Variants in LRRC53 observed in about 807,000 individuals in gnomAD.
LRRC53 encodes the protein leucine-rich repeat-containing protein 53.
A neutral mutation model predicts 13.6 loss-of-function variants in LRRC53; 25 were observed. That is an observed-to-expected ratio of 1.83 (90% CI 1.34 to 2.56). The LOEUF (loss-of-function observed/expected upper bound fraction) is 2.56, where lower values mean the gene tolerates loss of function less well. Ranked by LOEUF, LRRC53 falls within the 30% of genes most tolerant of loss-of-function variation. The probability of loss-of-function intolerance (pLI) is 0.00; values close to 1 mark genes in which losing one functional copy is unlikely to be tolerated. For synonymous variants in LRRC53, 204 were observed against 109.8 expected (o/e 1.86, Z -5.37); for missense variants, 527 against 275.8 (o/e 1.91, Z -6.45).
chr1:74,482,160 C>T (rs1355143428), intron 2 of LRRC53, among the ~76,000 whole-genome samples: 1 of 152,074 alleles, frequency 6.6e-6, no homozygotes, highest in Non-Finnish European at 1.5e-5. Context: ...TTTCATGGGT[C>T]CCCAGTCCTT....
chr1:74,494,154 G>A (rs1028682696), intron 1 of LRRC53, among the ~76,000 whole-genome samples: 1 of 151,994 alleles, frequency 6.6e-6, no homozygotes, highest in East Asian at 1.9e-4. Context: ...ATTTGCACAC[G>A]GCCCAGTTAC....
chr1:74,472,352 A>G (rs139553902), intron 4 of LRRC53, among the ~76,000 whole-genome samples, 151 bp from the exon 5 acceptor site: 23 of 152,296 alleles, frequency 1.5e-4, no homozygotes, highest in Admixed American at 2.6e-4. Context: ...CAAACCTACA[A>G]AGGACATTTG....
At chr1:74,516,397 GT>G (rs1557621453), upstream of LRRC53, among the ~76,000 whole-genome samples, 1 of 152,234 alleles carries the variant, frequency 6.6e-6, no homozygotes, top group Non-Finnish European at 1.5e-5. Flanking sequence ...GATGAGAATA[GT>G]TGAGTCAGGA....
intron 1 of LRRC53, among the ~76,000 whole-genome samples, chr1:74,508,897 C>T (rs1421118416): frequency 6.6e-6 from 1 of 152,178 alleles, no homozygotes; most frequent in East Asian, 1.9e-4. Flanking sequence ...CTGGTTTTTA[C>T]AGGGTCTGCA....
chr1:74,534,275 A>G, the LRRC53 span, among the ~76,000 whole-genome samples: 1 of 152,168 alleles, frequency 6.6e-6, no homozygotes, highest in African/African-American at 2.4e-5. Flanking sequence ...TCACCAAATC[A>G]AAGTTCCCAA....
chr1:74,470,891 T>C lies in LRRC53; in HGVS notation c.2731A>G (p.Asn911Asp). 2.5e-6 allele frequency: 1 copy of C among 400,744 alleles called. No individual in the cohort carries two copies. Among genetic ancestry groups the C allele is most frequent in the Non-Finnish European group, 4.4e-6 (1 of 226,188 alleles). 24.8% of individuals were successfully genotyped at this position (400,744 alleles called of 1,614,324 possible). Residue 911 changes from asparagine to aspartate, a missense_variant, in exon 5 of 5, where the codon AAT becomes GAT. Physicochemically the swap from Asn to Asp is conservative, Grantham distance 23. Transcript: ENST00000294635. ...TTESTEHMGQ[N>D]VSKTSELNQF... ...TTTAACTCACTGGTCTTTGATACAT[T>C]CTGTCCCATGTGCTCAGTGGACTCC...
chr1:74,530,484 G>T, the LRRC53 span, among the ~76,000 whole-genome samples: 1 of 152,062 alleles, frequency 6.6e-6, no homozygotes, highest in Non-Finnish European at 1.5e-5. Flanking sequence ...CGCTTAGCAG[G>T]TATGAAACAA....
intron 3 of LRRC53, among the ~76,000 whole-genome samples, chr1:74,476,877 G>C (rs1181819118): frequency 6.6e-6 from 1 of 151,958 alleles, no homozygotes; most frequent in East Asian, 1.9e-4. Flanking sequence ...GGTCATGATT[G>C]TTTCTTTTTT....
At chr1:74,503,592 T>A (rs1275414061) in intron 1 of LRRC53, among the ~76,000 whole-genome samples, 1 of 152,156 alleles carries the variant, frequency 6.6e-6, no homozygotes, top group Non-Finnish European at 1.5e-5. Context: ...CATTTTTTTT[T>A]AGGATAGCTA....
At chr1:74,503,003 T>C (rs1330272472) in intron 1 of LRRC53, among the ~76,000 whole-genome samples, 2 of 152,246 alleles carry the variant, frequency 1.3e-5, no homozygotes, top group Non-Finnish European at 2.9e-5. Context: ...GCTTTGAGGA[T>C]AGCTCTACTT....
chr1:74,489,247 A>G, intron 1 of LRRC53: 1 of 1,610,406 alleles, frequency 6.2e-7, no homozygotes, highest in Non-Finnish European at 8.5e-7. Flanking sequence ...TGCAACATTG[A>G]GGTAAAAGCT....
chr1:74,535,813 C>T, the LRRC53 span, among the ~76,000 whole-genome samples: 26 of 152,174 alleles, frequency 1.7e-4, no homozygotes, highest in African/African-American at 6.3e-4. Flanking sequence ...CAGTCAGTCA[C>T]AATTGAATCT....
chr1:74,492,047 C>T, intron 1 of LRRC53: 1 of 1,417,952 alleles, frequency 7.1e-7, no homozygotes, highest in Non-Finnish European at 9.4e-7. Flanking sequence ...GTTATGTCTT[C>T]ACACCTGTTG....
rs569547573 is a variant in LRRC53, at chr1:74,488,644, G to A, written c.-26-5269C>T. Among the ~76,000 whole-genome samples, 7 of 152,240 alleles carry A rather than the reference G, an allele frequency of 4.6e-5. No individual in the cohort carries two copies. The South Asian group carries it at 1.2e-3, about 27-fold the overall frequency. Reference sequence around the variant, plus strand: ...TTTTTAACCAAACTCGTCTGACACAGAGGTTCATAATGGGCAATATTTTTA... The same window carrying A: ...TTTTTAACCAAACTCGTCTGACACAAAGGTTCATAATGGGCAATATTTTTA... On this transcript the variant is annotated intron_variant, in intron 1 of 4. Coordinates refer to ENST00000294635, the MANE Select transcript of LRRC53 (RefSeq NM_001382280.1).
intron 1 of LRRC53, chr1:74,489,362 C>A: frequency 9.5e-7 from 1 of 1,052,486 alleles, no homozygotes; most frequent in Non-Finnish European, 1.4e-6. Context: ...ACCCATAACT[C>A]CATCCATATT....
chr1:74,532,606 C>T, the LRRC53 span, among the ~76,000 whole-genome samples: 2 of 151,880 alleles, frequency 1.3e-5, no homozygotes, highest in African/African-American at 4.8e-5. Context: ...GGTATATCTC[C>T]TAATGCTATC....
chr1:74,470,678 C>T lies in LRRC53; in HGVS notation c.2944G>A (p.Val982Met). Residue 982 changes from valine to methionine, a missense_variant, in exon 5 of 5, where the codon GTG (valine) becomes ATG (methionine). Coordinates refer to ENST00000294635, the MANE Select transcript of LRRC53 (RefSeq NM_001382280.1). The part of the protein sequence containing the change: ...MTKPQISHQI[V>M]ENCIMDKEEN... ...TCCTTATCCATAATACAATTTTCCA[C>T]AATTTGATGTGATATTTGGGGTTTT... 2.5e-6 allele frequency: 1 copy of T among 400,574 alleles called. No homozygotes were observed. The highest frequency in any genetic ancestry group is 1.3e-4 in the South Asian group (1 of 7,928). The allele number at this position is 400,574 out of a possible 1,614,324, so 24.8% of individuals were successfully genotyped here.
chr1:74,485,875 A>G (rs1668732274), intron 1 of LRRC53, among the ~76,000 whole-genome samples: 1 of 152,176 alleles, frequency 6.6e-6, no homozygotes, highest in Non-Finnish European at 1.5e-5. Context: ...CAAAGAAATC[A>G]GTACTGCCAA....
At position 74,471,199 on chromosome 1, in the gene LRRC53, AG is replaced by A. The variant is rs1011562092; in HGVS notation, c.2422del (p.Leu808CysfsTer9). On this transcript the variant is annotated frameshift_variant, in exon 5 of 5. Coordinates refer to ENST00000294635, the MANE Select transcript of LRRC53 (RefSeq NM_001382280.1). LOFTEE classifies it low-confidence loss of function (END_TRUNC). Reference sequence around the variant, plus strand: ...TACACGCAAGTTGTTAGCACTGAGCAGGGGGGCACGTTTAGTGTTTCGTTGA... The same window carrying A: ...TACACGCAAGTTGTTAGCACTGAGCAGGGGGCACGTTTAGTGTTTCGTTGA... ...YYQRNTKRAP[L>X]LSANNLRVVN... The A allele has an allele frequency of 5.0e-6, 2 of 400,572 alleles. No homozygotes were observed. The highest frequency in any genetic ancestry group is 2.1e-5 in the African/African-American group (1 of 48,670). The allele number at this position is 400,572 out of a possible 1,614,324, so 24.8% of individuals were successfully genotyped here. A position where few individuals can be genotyped will look rare whatever the true frequency, so the allele number is the denominator to read the frequency against.
Sources: gnomAD v4.1 joint callset for allele counts (sites outside exome capture counted in the v4.1 genomes callset) on GRCh38, gnomAD v4.1.1 for gene constraint, MANE v1.5 for transcripts, NCBI Gene and HGNC (gene_info 2026-07-23, HGNC 2026-07-21) for gene names.